The following KCNQ1 variants were observed in gnomAD, a reference collection of about 807,000 sequenced individuals.
KCNQ1 encodes potassium voltage-gated channel subfamily KQT member 1.
In KCNQ1, 49 loss-of-function variants were observed where a neutral mutation model predicts 72.4. The observed-to-expected ratio is 0.68, with a 90% CI of 0.54 to 0.86. The LOEUF is 0.86. Ranked by LOEUF, KCNQ1 falls within the 40% of genes least tolerant of loss-of-function variation. The probability of loss-of-function intolerance (pLI) is 0.00; values close to 1 mark genes in which losing one functional copy is unlikely to be tolerated. For synonymous variants in KCNQ1, 450 were observed against 412.6 expected (o/e 1.09, Z -1.10); for missense variants, 790 against 945.1 (o/e 0.84, Z 2.15).
chr11:2,794,418 T>G (rs1180475029), intron 15 of KCNQ1, among the ~76,000 whole-genome samples: 1 of 152,056 alleles, frequency 6.6e-6, no homozygotes, highest in African/African-American at 2.4e-5. Context: ...ACCCCAGTGC[T>G]TAGAGATCAA....
At chr11:2,459,664 G>A (rs973283900) in intron 1 of KCNQ1, among the ~76,000 whole-genome samples, 1 of 152,072 alleles carries the variant, frequency 6.6e-6, no homozygotes. Context: ...ACGGCTGACC[G>A]TGAGGGCGTG....
intron 1 of KCNQ1, among the ~76,000 whole-genome samples, chr11:2,489,267 G>A (rs899236879): frequency 3.3e-5 from 5 of 152,172 alleles, no homozygotes; most frequent in African/African-American, 9.7e-5. Context: ...CTTTGGGACT[G>A]TCCATCGAGC....
intron 1 of KCNQ1, among the ~76,000 whole-genome samples, chr11:2,459,845 C>T (rs2031045531): frequency 1.3e-5 from 2 of 152,050 alleles, no homozygotes; most frequent in Non-Finnish European, 2.9e-5. Context: ...GCACAGGTGG[C>T]CAAAACCTGC....
chr11:2,448,180 C>T (rs983769783), intron 1 of KCNQ1, among the ~76,000 whole-genome samples: 3 of 152,338 alleles, frequency 2.0e-5, no homozygotes, highest in South Asian at 2.1e-4. Flanking sequence ...ATCCAGGTGG[C>T]ATCTACTCTG....
Position 2,612,685 on chromosome 11 carries a change from A to G in KCNQ1, c.1393+23831A>G. 1 of 398,562 alleles carries G rather than the reference A, an allele frequency of 2.5e-6. No individual in the cohort carries two copies. The highest frequency in any genetic ancestry group is 4.4e-6 in the Non-Finnish European group (1 of 226,052). The allele number at this position is 398,562 out of a possible 1,614,324, so 24.7% of individuals were successfully genotyped here. A position where few individuals can be genotyped will look rare whatever the true frequency, so the allele number is the denominator to read the frequency against. On this transcript the variant is annotated intron_variant, in intron 10 of 15. Transcript: ENST00000155840. This position sits in a 1 kb window ranked among gnomAD's most constrained non-coding sequence, Gnocchi z 5.5. ...TGTGGTTTCTTTTGGTTCTTTGAAC[A>G]TAGTTATAATACTTACTTTGAAATC...
intron 2 of KCNQ1, among the ~76,000 whole-genome samples, chr11:2,548,203 G>A (rs1186410907): frequency 1.3e-5 from 2 of 152,238 alleles, no homozygotes; most frequent in African/African-American, 4.8e-5. Context: ...CCAGGGTCAT[G>A]CGTGTTTGTC....
chr11:2,586,744 C>T (rs186753338), intron 8 of KCNQ1, among the ~76,000 whole-genome samples: 1,607 of 152,220 alleles, frequency 0.011, 13 homozygotes, highest in Non-Finnish European at 0.018. Context: ...AGGTGCCCCT[C>T]GCCAGCTGCT....
At position 2,620,800 on chromosome 11, in the gene KCNQ1, C is replaced by G. The variant is rs34226285; in HGVS notation, c.1393+31946C>G. On this transcript the variant is annotated intron_variant, in intron 10 of 15. Transcript: ENST00000155840. The surrounding 1 kb of genome is among the most constrained non-coding windows in gnomAD (Gnocchi z 4.5). ...CACAGTGGCTGAACTAATTTGTATT[C>G]CTGCCAACAGTGTATAAGCGTTCCC... The G allele has an allele frequency of 1.0e-5, 4 of 398,422 alleles. No individual in the cohort carries two copies. The highest frequency in any genetic ancestry group is 8.8e-5 in the Admixed American group (2 of 22,690). 24.7% of individuals were successfully genotyped at this position (398,422 alleles called of 1,614,324 possible). A position where few individuals can be genotyped will look rare whatever the true frequency, so the allele number is the denominator to read the frequency against.
chr11:2,742,723 C>G (rs907902575), intron 11 of KCNQ1, among the ~76,000 whole-genome samples: 3 of 152,236 alleles, frequency 2.0e-5, no homozygotes, highest in African/African-American at 4.8e-5. Flanking sequence ...CTTCCCCTCC[C>G]CATGTGCTGA....
intron 2 of KCNQ1, among the ~76,000 whole-genome samples, chr11:2,552,572 C>T (rs923524160): frequency 1.8e-4 from 27 of 152,172 alleles, no homozygotes; most frequent in African/African-American, 6.3e-4. Context: ...TTAGAATCAG[C>T]TCGTCAATTC....
intron 15 of KCNQ1, among the ~76,000 whole-genome samples, chr11:2,812,451 C>T (rs539556248): frequency 6.6e-6 from 1 of 152,332 alleles, no homozygotes; most frequent in Non-Finnish European, 1.5e-5. Context: ...GCATCACAGC[C>T]TGCCCGGCCG....
chr11:2,774,817 G>A (rs1343896157), intron 12 of KCNQ1, among the ~76,000 whole-genome samples: 2 of 152,198 alleles, frequency 1.3e-5, no homozygotes, highest in African/African-American at 4.8e-5. Context: ...GAGGTAGCAG[G>A]TGGGCAGGGA....
intron 15 of KCNQ1, among the ~76,000 whole-genome samples, chr11:2,834,585 C>G (rs2134073079): frequency 6.6e-6 from 1 of 152,320 alleles, no homozygotes; most frequent in East Asian, 1.9e-4. Context: ...GCTGAGTTCC[C>G]CATCTCAGAG....
At position 2,471,198 on chromosome 11, in the gene KCNQ1, G is replaced by A. The variant is rs1197955018; in HGVS notation, c.386+25714G>A. ...CTGCAATCATCCTGCAGCCAGACTCGGGGACCTAGGACTCTGAACCTCCAA... is the reference window on the plus strand; with the variant it reads ...CTGCAATCATCCTGCAGCCAGACTCAGGGACCTAGGACTCTGAACCTCCAA... On this transcript the variant is annotated intron_variant, in intron 1 of 15. Coordinates refer to ENST00000155840, the MANE Select transcript of KCNQ1 (RefSeq NM_000218.3). This position sits in a 1 kb window ranked among gnomAD's most constrained non-coding sequence, Gnocchi z 4.8. Among the ~76,000 whole-genome samples the A allele has an allele frequency of 2.0e-5, 3 of 152,042 alleles. No individual in the cohort carries two copies. The highest frequency in any genetic ancestry group is 7.2e-5 in the African/African-American group (3 of 41,380).
At chr11:2,501,778 T>C (rs1015001190) in intron 1 of KCNQ1, among the ~76,000 whole-genome samples, 4 of 138,420 alleles carry the variant, frequency 2.9e-5, no homozygotes, top group Non-Finnish European at 4.7e-5. Flanking sequence ...CTGATAAATA[T>C]TGATGCAAAA....
chr11:2,785,169 T>C lies in KCNQ1; in HGVS notation c.1794+7132T>C, dbSNP rs1846888846. 6.6e-6 allele frequency among the ~76,000 whole-genome samples: 1 copy of C among 152,012 alleles called. No individual in the cohort carries two copies. The highest frequency in any genetic ancestry group is 1.5e-5 in the Non-Finnish European group (1 of 67,856). Reference sequence around the variant, plus strand: ...ATCATGTTGAGAATATTTCCTTCTATTTTTAGTGTGTTGAGAGCTCTCATT... The same window carrying C: ...ATCATGTTGAGAATATTTCCTTCTACTTTTAGTGTGTTGAGAGCTCTCATT... On this transcript the variant is annotated intron_variant, in intron 15 of 15. Transcript: ENST00000155840. This position sits in a 1 kb window ranked among gnomAD's most constrained non-coding sequence, Gnocchi z 4.4.
chr11:2,792,738 T>C (rs1228761631), intron 15 of KCNQ1, among the ~76,000 whole-genome samples: 6 of 152,158 alleles, frequency 3.9e-5, no homozygotes, highest in African/African-American at 1.4e-4. Context: ...CAGACCACCC[T>C]GTGAGGCCTC....
rs1338824235 is a variant in KCNQ1, at chr11:2,830,457, C to T, written c.1795-17310C>T. Among the ~76,000 whole-genome samples, 1 of 152,132 alleles carries T rather than the reference C, an allele frequency of 6.6e-6. No homozygotes were observed. The highest frequency in any genetic ancestry group is 1.5e-5 in the Non-Finnish European group (1 of 67,990). On this transcript the variant is annotated intron_variant, in intron 15 of 15. Transcript: ENST00000155840. The surrounding 1 kb of genome is among the most constrained non-coding windows in gnomAD (Gnocchi z 7.7). The stretch of plus-strand genomic sequence containing the variant: ...AAAGGACCTAGGTCCTCCCAATGGC[C>T]TGCAAACCACACCCAGTCTAGTCAG...
chr11:2,523,988 C>A (rs1847447753), intron 1 of KCNQ1, among the ~76,000 whole-genome samples: 1 of 152,070 alleles, frequency 6.6e-6, no homozygotes. Context: ...ACGGTGGCCC[C>A]TGAGGTGTCT....
Sources: allele counts gnomAD v4.1 joint callset (sites outside exome capture counted in the v4.1 genomes callset), GRCh38; gene constraint gnomAD v4.1.1; non-coding constraint Gnocchi (gnomAD v3.1); transcripts MANE v1.5; gene names NCBI Gene and HGNC (gene_info 2026-07-23, HGNC 2026-07-21).